DCLK1: variants seen among roughly 807,000 people sequenced by gnomAD.
The protein encoded by DCLK1 is doublecortin like kinase 1.
In DCLK1, 16 loss-of-function variants were observed where a neutral mutation model predicts 86.2. The observed-to-expected ratio is 0.19, with a 90% CI of 0.13 to 0.28. The LOEUF (loss-of-function observed/expected upper bound fraction) is 0.28, where lower values mean the gene tolerates loss of function less well. Among genes scored for constraint, DCLK1 ranks in the 10% least tolerant of loss-of-function variants. The pLI is 1.00. For missense variants in DCLK1, 590 were observed against 940.2 expected (o/e 0.63, Z 4.87); for synonymous variants, 369 against 370.5 (o/e 1.00, Z 0.05).
intron 3 of DCLK1, among the ~76,000 whole-genome samples, chr13:36,016,614 G>A (rs761189622): frequency 1.2e-4 from 19 of 152,052 alleles, no homozygotes; most frequent in Non-Finnish European, 2.6e-4. Flanking sequence ...CATACAATAA[G>A]GACATGACCC....
intron 4 of DCLK1, among the ~76,000 whole-genome samples, chr13:35,936,544 G>C (rs1464228877): frequency 6.6e-6 from 1 of 152,228 alleles, no homozygotes; most frequent in Non-Finnish European, 1.5e-5. Context: ...CATTCCAAAA[G>C]AGGGGCGATG....
At chr13:36,088,608 A>G (rs1025822968) in intron 3 of DCLK1, among the ~76,000 whole-genome samples, 1 of 152,222 alleles carries the variant, frequency 6.6e-6, no homozygotes, top group Non-Finnish European at 1.5e-5. Context: ...TGTGCCCTAC[A>G]GGACAGCAGG....
rs2086386305 is a variant in DCLK1 at position 35,774,443 on chromosome 13, T to C, written c.*92A>G. ...TGCCATTCAAGCATTGAGCGCTAGA[T>C]AGATCAGATGAAACTGTTTTACACA... On this transcript the variant is annotated 3_prime_UTR_variant, in exon 17 of 17. Coordinates refer to ENST00000360631, the MANE Select transcript of DCLK1 (RefSeq NM_001330071.2). 4 of 1,448,380 alleles carry C rather than the reference T, an allele frequency of 2.8e-6. No homozygotes were observed. Among genetic ancestry groups the C allele is most frequent in the Non-Finnish European group, 2.8e-6 (3 of 1,067,780 alleles). 89.7% of individuals were successfully genotyped at this position (1,448,380 alleles called of 1,614,324 possible).
chr13:35,846,397 C>T (rs991024669), intron 6 of DCLK1: 22 of 985,174 alleles, frequency 2.2e-5, no homozygotes, highest in Non-Finnish European at 2.7e-5. Flanking sequence ...ATATCTACTA[C>T]CCTGGCTTCA....
intron 3 of DCLK1, among the ~76,000 whole-genome samples, chr13:35,957,817 T>C (rs1878083991): frequency 7.2e-6 from 1 of 139,774 alleles, no homozygotes; most frequent in Non-Finnish European, 1.6e-5. Context: ...GCATTTTTTA[T>C]ACAGTGCAAA....
At chr13:35,824,687 C>A (rs1026449402) in intron 10 of DCLK1, among the ~76,000 whole-genome samples, 4 of 152,168 alleles carry the variant, frequency 2.6e-5, no homozygotes, top group African/African-American at 4.8e-5. Context: ...CGACTGCTAC[C>A]TTCCCACACA....
intron 5 of DCLK1, chr13:35,855,792 C>G: frequency 3.9e-6 from 5 of 1,266,496 alleles, no homozygotes; most frequent in Non-Finnish European, 5.0e-6. Flanking sequence ...AACAGCAACC[C>G]CCATCCCGAC....
chr13:35,937,220 G>A (rs1026288827), intron 4 of DCLK1, among the ~76,000 whole-genome samples: 2 of 151,708 alleles, frequency 1.3e-5, no homozygotes, highest in Admixed American at 6.6e-5. Context: ...TGATCCGCCC[G>A]CCTCAGCCTC....
chr13:35,993,344 T>C (rs2153144266), intron 3 of DCLK1, among the ~76,000 whole-genome samples: 1 of 152,320 alleles, frequency 6.6e-6, no homozygotes, highest in East Asian at 1.9e-4. Context: ...TGCATTCTTC[T>C]TTGTCTCTTT....
At chr13:36,022,987 C>A (rs1429349035) in intron 3 of DCLK1, among the ~76,000 whole-genome samples, 3 of 152,124 alleles carry the variant, frequency 2.0e-5, no homozygotes, top group Admixed American at 6.5e-5. Context: ...AACATAGATA[C>A]AACAATGCTG....
intron 5 of DCLK1, among the ~76,000 whole-genome samples, chr13:35,870,555 T>C (rs753719178): frequency 1.3e-4 from 20 of 152,362 alleles, no homozygotes; most frequent in Non-Finnish European, 2.9e-5. Flanking sequence ...ACAATTTGTG[T>C]CATTTAATAA....
At chr13:35,934,893 T>C (rs966198272) in intron 4 of DCLK1, among the ~76,000 whole-genome samples, 3 of 152,066 alleles carry the variant, frequency 2.0e-5, no homozygotes, top group Non-Finnish European at 4.4e-5. Flanking sequence ...ACAAGCTAGA[T>C]GCATTTTAAA....
intron 1 of DCLK1, among the ~76,000 whole-genome samples, chr13:36,128,971 A>G (rs969597624): frequency 6.6e-6 from 1 of 152,136 alleles, no homozygotes; most frequent in Non-Finnish European, 1.5e-5. Context: ...GGAGTGGAAG[A>G]CACTCCCAGT....
chr13:35,976,525 G>GTTTTTTTTTTTTTTTTTTTTTTTTTTTT lies in DCLK1; in HGVS notation c.724-29069_724-29068insAAAAAAAAAAAAAAAAAAAAAAAAAAAA, dbSNP rs11294824. On this transcript the variant is annotated intron_variant, in intron 3 of 16. Coordinates refer to ENST00000360631, the MANE Select transcript of DCLK1 (RefSeq NM_001330071.2). Reference sequence around the variant, plus strand: ...CTCCCAGCACTTCAGCTTCTCCGAGGTTTTTTTTTTTTTTTTTTTTTTTGA... The same window carrying GTTTTTTTTTTTTTTTTTTTTTTTTTTTT: ...CTCCCAGCACTTCAGCTTCTCCGAGGTTTTTTTTTTTTTTTTTTTTTTTTTTTTTTTTTTTTTTTTTTTTTTTTTTTGA... Among the ~76,000 whole-genome samples the GTTTTTTTTTTTTTTTTTTTTTTTTTTTT allele has an allele frequency of 1.3e-3, 73 of 56,370 alleles. 13 individuals are homozygous for GTTTTTTTTTTTTTTTTTTTTTTTTTTTT. Among genetic ancestry groups the GTTTTTTTTTTTTTTTTTTTTTTTTTTTT allele is most frequent in the South Asian group, 1.7e-3 (2 of 1,184 alleles). 37.0% of individuals were successfully genotyped at this position (56,370 alleles called of 152,430 possible).
chr13:35,949,869 T>A (rs1877570477), intron 3 of DCLK1, among the ~76,000 whole-genome samples: 1 of 105,538 alleles, frequency 9.5e-6, no homozygotes. Flanking sequence ...CGTGATGAAA[T>A]TTTGATGTTC....
chr13:35,895,936 GA>G (rs942711335), intron 4 of DCLK1, among the ~76,000 whole-genome samples: 2 of 3,044 alleles, frequency 6.6e-4, no homozygotes, highest in Non-Finnish European at 2.3e-3. Context: ...ATTTTTTTAT[GA>G]TTTTTTTTTT....
chr13:36,036,973 A>C (rs1425903538), intron 3 of DCLK1, among the ~76,000 whole-genome samples: 19 of 152,196 alleles, frequency 1.2e-4, no homozygotes, highest in Admixed American at 1.2e-3. Flanking sequence ...AAGACATGGA[A>C]TCAATCTAAG....
chr13:36,087,041 G>A (rs1480073735), intron 3 of DCLK1, among the ~76,000 whole-genome samples: 2 of 152,132 alleles, frequency 1.3e-5, no homozygotes, highest in African/African-American at 2.4e-5. Flanking sequence ...TTGAGGAATC[G>A]CCACACTGTC....
At chr13:35,864,164 T>C (rs1333557372) in intron 5 of DCLK1, among the ~76,000 whole-genome samples, 3 of 152,184 alleles carry the variant, frequency 2.0e-5, no homozygotes, top group Non-Finnish European at 4.4e-5. Flanking sequence ...AAGTACATTA[T>C]CTCATATTGG....
Sources: gnomAD v4.1 joint callset for allele counts (sites outside exome capture counted in the v4.1 genomes callset) on GRCh38, gnomAD v4.1.1 for gene constraint, MANE v1.5 for transcripts, NCBI Gene and HGNC (gene_info 2026-07-23, HGNC 2026-07-21) for gene names.